Variants in RAB10 observed in about 807,000 individuals in gnomAD.
RAB10 encodes ras-related protein Rab-10.
In RAB10, 5 loss-of-function variants were observed where a neutral mutation model predicts 25.7. The ratio of observed to expected loss-of-function variants is 0.19; its 90% CI spans 0.10 to 0.41. The LOEUF (loss-of-function observed/expected upper bound fraction) is 0.41, where lower values mean the gene tolerates loss of function less well. Ranked by LOEUF, RAB10 falls within the 10% of genes least tolerant of loss-of-function variation. The probability of loss-of-function intolerance (pLI) is 1.00; values close to 1 mark genes in which losing one functional copy is unlikely to be tolerated. For synonymous variants in RAB10, 89 were observed against 86.4 expected (o/e 1.03, Z -0.16); for missense variants, 103 against 245.8 (o/e 0.42, Z 3.89).
chr2:26,058,935 C>T (rs1266892171), intron 1 of RAB10, among the ~76,000 whole-genome samples: 1 of 152,200 alleles, frequency 6.6e-6, no homozygotes, highest in African/African-American at 2.4e-5. Flanking sequence ...AATTGGCCAT[C>T]TCCTTTAGAA....
intron 3 of RAB10, 106 bp downstream of exon 3, chr2:26,110,012 G>A (rs1667538128): frequency 8.4e-7 from 1 of 1,193,450 alleles, no homozygotes. Context: ...TACTGTTGAA[G>A]TCATTATTAT....
chr2:26,039,728 T>C (rs1290148014), intron 1 of RAB10, among the ~76,000 whole-genome samples: 1 of 152,030 alleles, frequency 6.6e-6, no homozygotes, highest in East Asian at 1.9e-4. Flanking sequence ...TAAAAATTGT[T>C]GAGGGCAGGC....
intron 1 of RAB10, among the ~76,000 whole-genome samples, chr2:26,082,940 C>G (rs1666899406): frequency 6.6e-6 from 1 of 152,110 alleles, no homozygotes; most frequent in South Asian, 2.1e-4. Flanking sequence ...GTTGGTTTCA[C>G]ATTTAAAATC....
At chr2:26,085,618 T>TA (rs1407034789) in intron 1 of RAB10, among the ~76,000 whole-genome samples, 1 of 151,800 alleles carries the variant, frequency 6.6e-6, no homozygotes, top group East Asian at 1.9e-4. Context: ...ACTCCAGCTC[T>TA]AAAAAAAGAA....
In RAB10 at chr2:26,136,065, T is replaced by C; in HGVS notation, c.*1044T>C. 1 of 152,826 alleles carries C rather than the reference T, an allele frequency of 6.5e-6. No homozygotes were observed. Among genetic ancestry groups the C allele is most frequent in the Non-Finnish European group, 1.5e-5 (1 of 68,086 alleles). 9.5% of individuals were successfully genotyped at this position (152,826 alleles called of 1,614,324 possible). ...TTTCCTCCTCTCTTTGTTCCCTTCC[T>C]GTCTATCCATTGAGTTTATGAAATG... On this transcript the variant is annotated 3_prime_UTR_variant, in exon 6 of 6. Transcript: ENST00000264710.
chr2:26,088,706 C>G (rs766189310), intron 1 of RAB10, among the ~76,000 whole-genome samples: 1 of 152,130 alleles, frequency 6.6e-6, no homozygotes, highest in Non-Finnish European at 1.5e-5. Context: ...CTCCCCCTCC[C>G]CGGTTCAAGT....
At chr2:26,073,982 G>A (rs2149271305) in intron 1 of RAB10, among the ~76,000 whole-genome samples, 1 of 152,322 alleles carries the variant, frequency 6.6e-6, no homozygotes, top group Non-Finnish European at 1.5e-5. Flanking sequence ...TGAATATGTA[G>A]ACCAGGGGCA....
chr2:26,089,654 G>C (rs992319569), intron 1 of RAB10, among the ~76,000 whole-genome samples: 22 of 151,896 alleles, frequency 1.4e-4, no homozygotes, highest in African/African-American at 5.3e-4. Flanking sequence ...ACATTTTTAG[G>C]CTTTTTCTTC....
chr2:26,062,492 A>C (rs1394980918), intron 1 of RAB10, among the ~76,000 whole-genome samples: 1 of 151,994 alleles, frequency 6.6e-6, no homozygotes, highest in Non-Finnish European at 1.5e-5. Flanking sequence ...AGCATGGTCA[A>C]CCTGGTGAGA....
chr2:26,074,429 T>G (rs1666690323), intron 1 of RAB10, among the ~76,000 whole-genome samples: 1 of 152,194 alleles, frequency 6.6e-6, no homozygotes, highest in African/African-American at 2.4e-5. Context: ...TAATATTTTA[T>G]TTTTTTGAGA....
At chr2:26,065,813 A>G (rs1666501391) in intron 1 of RAB10, among the ~76,000 whole-genome samples, 1 of 152,204 alleles carries the variant, frequency 6.6e-6, no homozygotes, top group African/African-American at 2.4e-5. Flanking sequence ...CCACATCTAC[A>G]GCGTATCTTT....
chr2:26,059,605 C>T (rs973986546), intron 1 of RAB10, among the ~76,000 whole-genome samples: 10 of 152,182 alleles, frequency 6.6e-5, no homozygotes, highest in Middle Eastern at 3.4e-3. Flanking sequence ...AATTACCATA[C>T]GATGCAGCAA....
In RAB10 at chr2:26,048,266, G is replaced by A. The variant is rs537053443; in HGVS notation, c.127+13531G>A. ...GGGTCACATAGTAATTGCATGTTTC[G>A]TTTTATAAGAAACTGCCAGACTGTT... On this transcript the variant is annotated intron_variant, in intron 1 of 5. Transcript: ENST00000264710. Among the ~76,000 whole-genome samples, 8 of 152,216 alleles carry A rather than the reference G, an allele frequency of 5.3e-5. No individual in the cohort carries two copies. The South Asian group carries it at 1.4e-3, about 28-fold the overall frequency.
chr2:26,128,339 C>G (rs1667943555), intron 5 of RAB10, among the ~76,000 whole-genome samples: 1 of 152,186 alleles, frequency 6.6e-6, no homozygotes, highest in Non-Finnish European at 1.5e-5. Flanking sequence ...TCACCTCCTG[C>G]TGGGTGGCCC....
intron 1 of RAB10, among the ~76,000 whole-genome samples, chr2:26,080,853 T>TA (rs1017009237): frequency 6.6e-5 from 10 of 152,198 alleles, no homozygotes; most frequent in Admixed American, 6.5e-4. Flanking sequence ...ACTCTGTAGA[T>TA]ACCACCTTAA....
chr2:26,048,615 G>A (rs950676930), intron 1 of RAB10, among the ~76,000 whole-genome samples: 2 of 152,154 alleles, frequency 1.3e-5, no homozygotes, highest in Admixed American at 6.6e-5. Flanking sequence ...TTGACCAGGT[G>A]CAGTGGCTCA....
chr2:26,055,628 G>A (rs1439386467), intron 1 of RAB10, among the ~76,000 whole-genome samples: 1 of 151,924 alleles, frequency 6.6e-6, no homozygotes, highest in African/African-American at 2.4e-5. Context: ...ACCTCAGGTG[G>A]TCTGCCTGCC....
intron 1 of RAB10, among the ~76,000 whole-genome samples, chr2:26,071,327 G>C (rs1666621395): frequency 6.6e-6 from 1 of 152,176 alleles, no homozygotes. Context: ...TTGAGTCCTT[G>C]GCAGATACTG....
chr2:26,055,075 CATTT>C (rs1666227527), intron 1 of RAB10, among the ~76,000 whole-genome samples: 1 of 150,438 alleles, frequency 6.6e-6, no homozygotes, highest in African/African-American at 2.5e-5. Flanking sequence ...CTGTGTTTGC[CATTT>C]ATTGAAAAAA....
Sources: gnomAD v4.1 joint callset for allele counts (sites outside exome capture counted in the v4.1 genomes callset) on GRCh38, gnomAD v4.1.1 for gene constraint, MANE v1.5 for transcripts, NCBI Gene and HGNC (gene_info 2026-07-23, HGNC 2026-07-21) for gene names.